The following TEX9 variants were observed in gnomAD, a reference collection of about 807,000 sequenced individuals.
TEX9 encodes the protein testis-expressed protein 9.
TEX9 carries 74 observed loss-of-function variants against 59.6 expected under a neutral mutation model. The observed-to-expected ratio is 1.24, with a 90% CI of 1.03 to 1.51. The LOEUF (loss-of-function observed/expected upper bound fraction) is 1.51. Among genes scored for constraint, TEX9 ranks in the 40% most tolerant of loss-of-function variants. TEX9 has a pLI of 0.00. For missense variants in TEX9, 522 were observed against 447.8 expected, an observed-to-expected ratio of 1.17 and a Z score of -1.49; for synonymous variants, 186 against 152.2, an observed-to-expected ratio of 1.22 and a Z score of -1.64.
chr15:56,370,600 T>C (rs1396378448), intron 2 of TEX9, among the ~76,000 whole-genome samples: 6 of 152,220 alleles, frequency 3.9e-5, no homozygotes, highest in Non-Finnish European at 7.3e-5. Flanking sequence ...AGGATAGAAA[T>C]GTTAGAATGT....
chr15:56,361,364 C>T (rs1173869721), upstream of TEX9, among the ~76,000 whole-genome samples: 1 of 152,174 alleles, frequency 6.6e-6, no homozygotes, highest in Non-Finnish European at 1.5e-5. Context: ...GCACTGCTTT[C>T]ATAACATTCC....
intron 3 of TEX9, among the ~76,000 whole-genome samples, chr15:56,376,422 C>T (rs546403115): frequency 6.6e-6 from 1 of 151,946 alleles, no homozygotes; most frequent in African/African-American, 2.4e-5. Flanking sequence ...TTGTTATTGC[C>T]TGATTGCCTG....
chr15:56,423,755 T>G (rs574936301), intron 10 of TEX9, among the ~76,000 whole-genome samples: 1 of 152,148 alleles, frequency 6.6e-6, no homozygotes, highest in South Asian at 2.1e-4. Context: ...TTGTCTGTTC[T>G]GGTATATGAT....
intron 10 of TEX9, among the ~76,000 whole-genome samples, chr15:56,426,589 G>GTGTATATATATATA (rs1382910271): frequency 4.1e-5 from 1 of 24,306 alleles, no homozygotes; most frequent in Non-Finnish European, 1.7e-4. Context: ...TTGAAAAGGT[G>GTGTATATATATATA]TATATATATA....
intron 12 of TEX9, among the ~76,000 whole-genome samples, chr15:56,437,166 A>G (rs967280851): frequency 4.6e-5 from 7 of 152,152 alleles, no homozygotes; most frequent in Non-Finnish European, 8.8e-5. Flanking sequence ...CACAAAAAAA[A>G]GAGAATTTAA....
chr15:56,254,724 G>T (rs994988049), intron 1 of TEX9, among the ~76,000 whole-genome samples: 1 of 151,280 alleles, frequency 6.6e-6, no homozygotes, highest in Admixed American at 6.6e-5. Context: ...ATTTAAAAAA[G>T]ATGAATACAA....
chr15:56,334,637 C>CA (rs1401437342), intron 1 of TEX9, among the ~76,000 whole-genome samples: 1 of 151,972 alleles, frequency 6.6e-6, no homozygotes, highest in African/African-American at 2.4e-5. Flanking sequence ...GCAACCAAAG[C>CA]AAAAATGGAC....
chr15:56,336,080 C>T (rs1433184887), intron 1 of TEX9, among the ~76,000 whole-genome samples: 1 of 152,170 alleles, frequency 6.6e-6, no homozygotes, highest in South Asian at 2.1e-4. Flanking sequence ...TGTGCAGTTG[C>T]ATCGCTGAAA....
chr15:56,362,401 C>A (rs1332073055), upstream of TEX9, among the ~76,000 whole-genome samples: 1 of 152,178 alleles, frequency 6.6e-6, no homozygotes, highest in Non-Finnish European at 1.5e-5. Flanking sequence ...TAATGCTCCT[C>A]TTTGTCCCTG....
At chr15:56,301,564 A>G (rs79593700) in intron 1 of TEX9, among the ~76,000 whole-genome samples, 6,683 of 152,204 alleles carry the variant, frequency 0.044, 221 homozygotes, top group Admixed American at 0.086. Flanking sequence ...AATGAAGAAC[A>G]TAAAAAAGAG....
At chr15:56,405,127 A>G (rs1224867555) in intron 9 of TEX9, among the ~76,000 whole-genome samples, 15 of 152,082 alleles carry the variant, frequency 9.9e-5, no homozygotes, top group Admixed American at 9.2e-4. Flanking sequence ...ACTTAAAAGT[A>G]TATTAATAAA....
At chr15:56,381,018 C>G (rs552389586) in intron 3 of TEX9, among the ~76,000 whole-genome samples, 7 of 152,114 alleles carry the variant, frequency 4.6e-5, no homozygotes, top group Non-Finnish European at 8.8e-5. Context: ...TTCTACCTCT[C>G]TCTTTCTGCC....
chr15:56,439,937 T>C lies in TEX9; in HGVS notation c.*30-5734T>C, dbSNP rs79663413. ...TGGAGAACATTTGCTCTAAGAAAAATCGTGCTCTAAGATCATGTTAAAAGG... is the reference window on the plus strand; with the variant it reads ...TGGAGAACATTTGCTCTAAGAAAAACCGTGCTCTAAGATCATGTTAAAAGG... On this transcript the variant is annotated intron_variant, in intron 12 of 12. Transcript: ENST00000352903. Among the ~76,000 whole-genome samples the C allele has an allele frequency of 5.3e-3, 812 of 151,856 alleles. 6 individuals carry two copies. The highest frequency in any genetic ancestry group is 0.019 in the African/African-American group (767 of 41,432).
intron 9 of TEX9, 120 bp downstream of exon 9, chr15:56,394,954 T>C: frequency 2.1e-6 from 2 of 962,668 alleles, no homozygotes; most frequent in Non-Finnish European, 1.5e-6. Context: ...TACTGAAAAC[T>C]CTTTCCCCTT....
intron 3 of TEX9, among the ~76,000 whole-genome samples, chr15:56,383,135 A>G (rs1275869832): frequency 6.6e-6 from 1 of 152,110 alleles, no homozygotes; most frequent in African/African-American, 2.4e-5. Context: ...TGGGTACTCA[A>G]AGTCTCCGCC....
rs60648387 is a variant in TEX9, at chr15:56,309,693, G to GT, written c.-106-63717dup. Reference sequence around the variant, plus strand: ...TCTGGGCCTGGGATTTTTATGGGAAGTTTTTTTTTTTTTTTTTTTTTTTTT... The same window carrying GT: ...TCTGGGCCTGGGATTTTTATGGGAAGTTTTTTTTTTTTTTTTTTTTTTTTTT... On this transcript the variant is annotated intron_variant, in intron 1 of 5. Coordinates refer to the TEX9 transcript ENST00000560827. 2.8e-3 allele frequency among the ~76,000 whole-genome samples: 171 copies of GT among 60,774 alleles called. 7 individuals carry two copies. The highest frequency in any genetic ancestry group is 0.021 in the East Asian group (32 of 1,518). 39.9% of individuals were successfully genotyped at this position (60,774 alleles called of 152,430 possible).
intron 1 of TEX9, among the ~76,000 whole-genome samples, chr15:56,295,038 T>C (rs941824106): frequency 1.3e-5 from 2 of 152,110 alleles, no homozygotes; most frequent in African/African-American, 4.8e-5. Context: ...TAAATATATA[T>C]AAATATACTT....
At chr15:56,384,056 C>A in intron 4 of TEX9, 25 bp downstream of exon 4, 1 of 1,565,368 alleles carries the variant, frequency 6.4e-7, no homozygotes, top group Non-Finnish European at 8.7e-7. Context: ...TTCTCAAGCA[C>A]CTTCTTTTAA....
chr15:56,423,770 T>C (rs1186989342), intron 10 of TEX9, among the ~76,000 whole-genome samples: 2 of 152,162 alleles, frequency 1.3e-5, no homozygotes, highest in Admixed American at 6.6e-5. Flanking sequence ...TATGATTATA[T>C]TTTTTCTTTA....
Sources: allele counts gnomAD v4.1 joint callset (sites outside exome capture counted in the v4.1 genomes callset), GRCh38; gene constraint gnomAD v4.1.1; transcripts MANE v1.5; gene names NCBI Gene and HGNC (gene_info 2026-07-23, HGNC 2026-07-21).